Variants in FAM3C observed in about 807,000 individuals in gnomAD.
FAM3C encodes protein FAM3C.
Under a neutral mutation model 32.5 loss-of-function variants are expected in FAM3C, and 15 were observed. The observed-to-expected ratio is 0.46, with a 90% CI of 0.31 to 0.71. The LOEUF is 0.71. FAM3C is among the 30% of genes least tolerant of loss of function. The pLI is 0.05. For synonymous variants in FAM3C, 75 were observed against 86.1 expected, an observed-to-expected ratio of 0.87 and a Z score of 0.72; for missense variants, 175 against 274.4, an observed-to-expected ratio of 0.64 and a Z score of 2.56.
At chr7:121,376,750 T>C (rs556691566) in intron 3 of FAM3C, among the ~76,000 whole-genome samples, 1 of 152,126 alleles carries the variant, frequency 6.6e-6, no homozygotes, top group Admixed American at 6.5e-5. Flanking sequence ...CCTGAAAAGG[T>C]TTATGCCAAA....
At chr7:121,388,598 T>C (rs1253170348) in intron 1 of FAM3C, among the ~76,000 whole-genome samples, 1 of 152,120 alleles carries the variant, frequency 6.6e-6, no homozygotes. Flanking sequence ...CAATAAGAGT[T>C]TTAAAATAAA....
At chr7:121,356,915 T>C (rs1283813125) in intron 8 of FAM3C, among the ~76,000 whole-genome samples, 1 of 152,104 alleles carries the variant, frequency 6.6e-6, no homozygotes, top group Non-Finnish European at 1.5e-5. Context: ...TAGATGTAAG[T>C]TTTTCTCTAT....
chr7:121,358,401 T>A (rs903108524), intron 8 of FAM3C, among the ~76,000 whole-genome samples: 1 of 152,032 alleles, frequency 6.6e-6, no homozygotes, highest in African/African-American at 2.4e-5. Flanking sequence ...ATAAAGGATG[T>A]TTTTTATCCT....
At chr7:121,382,744 C>T (rs569451993) in intron 2 of FAM3C, among the ~76,000 whole-genome samples, 1 of 150,766 alleles carries the variant, frequency 6.6e-6, no homozygotes, top group South Asian at 2.1e-4. Context: ...GTAATTTCAA[C>T]AAAAGACTTG....
At chr7:121,356,522 CTG>C (rs1483671006) in intron 8 of FAM3C, among the ~76,000 whole-genome samples, 23 of 152,278 alleles carry the variant, frequency 1.5e-4, no homozygotes, top group African/African-American at 5.1e-4. Flanking sequence ...GGAGACCACT[CTG>C]AGAATGTAAC....
chr7:121,370,810 G>A (rs1298169494), intron 5 of FAM3C, among the ~76,000 whole-genome samples: 1 of 152,176 alleles, frequency 6.6e-6, no homozygotes, highest in East Asian at 1.9e-4. Context: ...CACATTCATT[G>A]TCCAGGGCAA....
At chr7:121,382,391 TCA>T (rs1794375365) in intron 2 of FAM3C, among the ~76,000 whole-genome samples, 1 of 152,140 alleles carries the variant, frequency 6.6e-6, no homozygotes, top group Non-Finnish European at 1.5e-5. Context: ...ATCGAATCCT[TCA>T]CACACATCTT....
At chr7:121,364,023 A>G (rs1448708366) in intron 6 of FAM3C, 107 bp downstream of exon 6, 1 of 750,638 alleles carries the variant, frequency 1.3e-6, no homozygotes, top group East Asian at 2.6e-5. Flanking sequence ...AGAGGGCTTT[A>G]TCATCAAGAG....
chr7:121,364,192 A>G lies in FAM3C; in HGVS notation c.273-4T>C. The G allele has an allele frequency of 6.4e-7, 1 of 1,560,108 alleles. No homozygotes were observed. The highest frequency in any genetic ancestry group is 8.8e-7 in the Non-Finnish European group (1 of 1,132,238). ...ATTCTTAACACCACTCATTAAACTG[A>G]AGGGGGAGAAATTGAAATAAATTTA... On this transcript the variant is annotated splice_region_variant and splice_polypyrimidine_tract_variant and intron_variant, in intron 5 of 9. Transcript: ENST00000359943.
chr7:121,371,266 C>G lies in FAM3C; in HGVS notation c.272+34G>C, dbSNP rs1794138660. ...GGTTCAATTGGCTGCAATTTAATAG[C>G]ACACCTTATCGTCTCAAGTCAACAA... On this transcript the variant is annotated intron_variant, in intron 5 of 9. Transcript: ENST00000359943. 5 of 1,607,076 alleles carry G rather than the reference C, an allele frequency of 3.1e-6. No individual in the cohort carries two copies. In the African/African-American group the frequency reaches 4.0e-5, roughly 13 times the overall value.
intron 5 of FAM3C, among the ~76,000 whole-genome samples, chr7:121,370,623 A>G (rs887670639): frequency 1.3e-5 from 2 of 152,186 alleles, no homozygotes; most frequent in Non-Finnish European, 2.9e-5. Flanking sequence ...TAGGATATCA[A>G]AAATCCTAAA....
In FAM3C at chr7:121,351,236, A is replaced by G. The variant is rs770377739; in HGVS notation, c.501T>C (p.Asp167=). ...LNDEARRLIA[D]LGSTSITNLG... is the part of the protein sequence containing the mutation. ...GATTAGTAATAGATGTGCTCCCCAA[A>G]TCAGCAATGAGCCGCCGTGCCTCAT... The change falls in exon 9 of 10, where the codon GAT becomes GAC. Residue 167 remains aspartate (D), a synonymous_variant. Transcript: ENST00000359943. 8.1e-6 allele frequency: 13 copies of G among 1,613,572 alleles called. No homozygotes were observed. Among genetic ancestry groups the G allele is most frequent in the Non-Finnish European group, 1.0e-5 (12 of 1,179,698 alleles).
intron 9 of FAM3C, among the ~76,000 whole-genome samples, chr7:121,350,832 T>A (rs1793688837): frequency 6.6e-6 from 1 of 152,180 alleles, no homozygotes; most frequent in African/African-American, 2.4e-5. Context: ...ATTTCCAAAC[T>A]TCACTGATTC....
chr7:121,363,510 T>C (rs1793966907), intron 6 of FAM3C, among the ~76,000 whole-genome samples: 1 of 152,174 alleles, frequency 6.6e-6, no homozygotes, highest in South Asian at 2.1e-4. Flanking sequence ...AAATATATTT[T>C]TCTACACTAT....
intron 2 of FAM3C, among the ~76,000 whole-genome samples, chr7:121,380,742 T>C (rs1221739964): frequency 6.7e-6 from 1 of 149,444 alleles, no homozygotes; most frequent in Non-Finnish European, 1.5e-5. Context: ...TTTATATATA[T>C]ATATATATAT....
intron 2 of FAM3C, among the ~76,000 whole-genome samples, chr7:121,379,727 A>G (rs1164386789): frequency 6.6e-6 from 1 of 152,158 alleles, no homozygotes; most frequent in Non-Finnish European, 1.5e-5. Context: ...CAGCCTACTC[A>G]TTTCTGTATA....
At chr7:121,352,798 T>C (rs888251568) in intron 8 of FAM3C, among the ~76,000 whole-genome samples, 1 of 152,244 alleles carries the variant, frequency 6.6e-6, no homozygotes, top group Admixed American at 6.5e-5. Flanking sequence ...TGTTTTCTTG[T>C]TTCCAAATGT....
At chr7:121,384,313 G>A (rs940868706) in intron 1 of FAM3C, among the ~76,000 whole-genome samples, 6 of 152,080 alleles carry the variant, frequency 3.9e-5, no homozygotes, top group Non-Finnish European at 7.4e-5. Flanking sequence ...AATACTAAAA[G>A]GAAACAAGAT....
chr7:121,359,934 C>A, intron 8 of FAM3C, 109 bp downstream of exon 8: 1 of 667,598 alleles, frequency 1.5e-6, no homozygotes, highest in Non-Finnish European at 2.7e-6. Flanking sequence ...TTGTGTTTAC[C>A]TGGTAGTTTG....
Sources: gnomAD v4.1 joint callset for allele counts (sites outside exome capture counted in the v4.1 genomes callset) on GRCh38, gnomAD v4.1.1 for gene constraint, MANE v1.5 for transcripts, NCBI Gene and HGNC (gene_info 2026-07-23, HGNC 2026-07-21) for gene names.